Variants in PSORS1C1 observed in about 807,000 individuals in gnomAD.
PSORS1C1 encodes psoriasis susceptibility 1 candidate 1.
In PSORS1C1, 7 loss-of-function variants were observed where a neutral mutation model predicts 9.4. That is an observed-to-expected ratio of 0.75 (90% confidence interval 0.42 to 1.40). PSORS1C1 has a LOEUF of 1.40. Among genes scored for constraint, PSORS1C1 ranks in the 40% most tolerant of loss-of-function variants. The pLI is 0.01. For synonymous variants in PSORS1C1, 63 were observed against 69.4 expected, an observed-to-expected ratio of 0.91 and a Z score of 0.46; for missense variants, 146 against 178.1, an observed-to-expected ratio of 0.82 and a Z score of 1.02.
At chr6:31,116,477 A>G (rs1471405639) in intron 1 of PSORS1C1, 2 of 1,603,782 alleles carry the variant, frequency 1.2e-6, no homozygotes, top group African/African-American at 1.3e-5. Flanking sequence ...CCGCCTCCAC[A>G]GAGCTGGACC....
At position 31,139,206 on chromosome 6, in the gene PSORS1C1, G is replaced by A. The variant is rs767636303; in HGVS notation, c.167+427G>A. 33 of 600,862 alleles carry A rather than the reference G, an allele frequency of 5.5e-5. No individual in the cohort carries two copies. The highest frequency in any genetic ancestry group is 3.3e-4 in the South Asian group (16 of 48,288). 37.2% of individuals were successfully genotyped at this position (600,862 alleles called of 1,614,324 possible). ...CTGATGTGTCACCCCTGAAGGTGGCGTCCCTTATTTTAGTCCTCCAGCCCA... is the reference window on the plus strand; with the variant it reads ...CTGATGTGTCACCCCTGAAGGTGGCATCCCTTATTTTAGTCCTCCAGCCCA... On this transcript the variant is annotated intron_variant, in intron 5 of 5. Coordinates refer to ENST00000259881, the MANE Select transcript of PSORS1C1 (RefSeq NM_014068.3). This position sits in a 1 kb window ranked among gnomAD's most constrained non-coding sequence, Gnocchi z 5.2.
At chr6:31,126,696 G>C (rs1772695451) in intron 2 of PSORS1C1, among the ~76,000 whole-genome samples, 1 of 152,208 alleles carries the variant, frequency 6.6e-6, no homozygotes, top group Admixed American at 6.5e-5. Context: ...ACTGGGGCCA[G>C]AGCCAGGCTC....
At chr6:31,136,056 C>T (rs1324247620) in intron 3 of PSORS1C1, among the ~76,000 whole-genome samples, 3 of 148,860 alleles carry the variant, frequency 2.0e-5, no homozygotes, top group African/African-American at 7.4e-5. Context: ...CTGTCTCAAA[C>T]AAACACACAA....
chr6:31,138,764 C>T lies in PSORS1C1; in HGVS notation c.152C>T (p.Pro51Leu), dbSNP rs552431586. Reference protein sequence around the residue: ...VNPDRLCHMEPANHFWHAGDL... With the variant: ...VNPDRLCHMELANHFWHAGDL... ...CCTGACCGACTTTGCCACATGGAGC[C>T]AGCAAACCATTTCTGGTGAGAGCCA... Residue 51 changes from proline to leucine, a missense_variant, in exon 5 of 6, where the codon CCA (proline) becomes CTA (leucine). Coordinates refer to ENST00000259881, the MANE Select transcript of PSORS1C1 (RefSeq NM_014068.3). The T allele has an allele frequency of 6.2e-7, 1 of 1,614,164 alleles. No individual in the cohort carries two copies. The highest frequency in any genetic ancestry group is 8.5e-7 in the Non-Finnish European group (1 of 1,180,028).
At chr6:31,119,577 C>T (rs3130991) in intron 1 of PSORS1C1, among the ~76,000 whole-genome samples, 62,151 of 152,046 alleles carry the variant, frequency 0.41, 13,545 homozygotes, top group African/African-American at 0.57. Flanking sequence ...AGCAAATCTC[C>T]TTTCATACCG....
intron 1 of PSORS1C1, among the ~76,000 whole-genome samples, chr6:31,123,698 T>C (rs3095309): frequency 0.65 from 98,543 of 152,182 alleles, 32,930 homozygotes; most frequent in African/African-American, 0.82. Context: ...CTGTCCCCTC[T>C]GGTCCCCTCC....
intron 3 of PSORS1C1, chr6:31,137,545 T>C: frequency 4.8e-6 from 1 of 210,078 alleles, no homozygotes; most frequent in East Asian, 1.0e-4. Flanking sequence ...TAAGAAAACA[T>C]GATTTTTATT....
At chr6:31,120,239 G>T in intron 1 of PSORS1C1, 1 of 970,576 alleles carries the variant, frequency 1.0e-6, no homozygotes, top group Non-Finnish European at 1.6e-6. Flanking sequence ...GACTCAAAAG[G>T]CAGATTCCAG....
At position 31,116,171 on chromosome 6, in the gene PSORS1C1, C is replaced by T. The variant is rs1043716279; in HGVS notation, c.-229+1280C>T. 1.3e-5 allele frequency: 21 copies of T among 1,612,014 alleles called. No individual in the cohort carries two copies. The highest frequency in any genetic ancestry group is 1.6e-4 in the Middle Eastern group (1 of 6,080). On this transcript the variant is annotated intron_variant, in intron 1 of 5. Coordinates refer to ENST00000259881, the MANE Select transcript of PSORS1C1 (RefSeq NM_014068.3). The stretch of plus-strand genomic sequence containing the variant: ...CTGCTGGAGCCACAGGGCTTGGCAC[C>T]AGCGGAGGGATCAGGATGGGGAGAG...
intron 1 of PSORS1C1, 48 bp downstream of exon 1, chr6:31,114,939 A>T (rs9263636): frequency 0.21 from 77,206 of 361,724 alleles, 7,362 homozygotes; most frequent in South Asian, 0.33. Flanking sequence ...TGGGGAGGGG[A>T]GGGGAGGGGA....
intron 3 of PSORS1C1, chr6:31,138,040 G>C: frequency 6.5e-7 from 1 of 1,529,234 alleles, no homozygotes; most frequent in Non-Finnish European, 8.8e-7. Context: ...GGGTTTTCTG[G>C]GGGCTGGGGT....
At chr6:31,121,134 C>T (rs1259771451) in intron 1 of PSORS1C1, among the ~76,000 whole-genome samples, 3 of 148,558 alleles carry the variant, frequency 2.0e-5, no homozygotes, top group African/African-American at 5.0e-5. Flanking sequence ...CCTGACCTGT[C>T]GCTTCTGGGG....
rs1377451764 is a variant in PSORS1C1, at chr6:31,139,597, C to T, written c.168-44C>T. 6.3e-7 allele frequency: 1 copy of T among 1,590,730 alleles called. No individual in the cohort carries two copies. Among genetic ancestry groups the T allele is most frequent in the Admixed American group, 1.7e-5 (1 of 59,390 alleles). On this transcript the variant is annotated intron_variant, in intron 5 of 5. Transcript: ENST00000259881. This position sits in a 1 kb window ranked among gnomAD's most constrained non-coding sequence, Gnocchi z 5.2. ...TGCTTTCCTGGGCACTTCCCTTCCC[C>T]CATGGGATCCAGGCATCCTGCTCTC...
At chr6:31,123,928 G>A (rs1438870845) in intron 1 of PSORS1C1, among the ~76,000 whole-genome samples, 2 of 152,136 alleles carry the variant, frequency 1.3e-5, no homozygotes, top group Admixed American at 6.6e-5. Flanking sequence ...GACTTTCCCC[G>A]GGCCTTGAGG....
Position 31,138,705 on chromosome 6 carries a change from C to T in PSORS1C1, c.93C>T (p.Pro31=), listed in dbSNP as rs1241338561. 2 of 1,609,148 alleles carry T rather than the reference C, an allele frequency of 1.2e-6. No individual in the cohort carries two copies. The change falls in exon 5 of 6, where the codon CCC becomes CCT. Residue 31 remains proline (P), a synonymous_variant. Coordinates refer to ENST00000259881, the MANE Select transcript of PSORS1C1 (RefSeq NM_014068.3). The stretch of plus-strand genomic sequence containing the variant: ...GACCCCAGCTCCTTAACACAGATCC[C>T]AGCTCCGAGGAAACTCGTCCCCCCC... ...LQGPQLLNTD[P]SSEETRPPHV...
In PSORS1C1 at chr6:31,137,733, CAG is replaced by C. The variant is rs1773216929; in HGVS notation, c.14-694_14-693del. The C allele has an allele frequency of 2.0e-5, 8 of 400,978 alleles. No individual in the cohort carries two copies. The South Asian group carries it at 8.4e-4, about 42-fold the overall frequency. The allele number at this position is 400,978 out of a possible 1,614,324, so 24.8% of individuals were successfully genotyped here. ...AGGTAGGAGAGTAGGCTTAGGCTGT[CAG>C]AGGAAAAAACGGGCGATGTGAGGAC... On this transcript the variant is annotated intron_variant, in intron 3 of 5. Transcript: ENST00000259881.
intron 3 of PSORS1C1, among the ~76,000 whole-genome samples, chr6:31,136,764 C>G (rs1446182536): frequency 6.6e-6 from 1 of 152,212 alleles, no homozygotes; most frequent in Non-Finnish European, 1.5e-5. Flanking sequence ...AGCCCCAGAG[C>G]CTTACATGCT....
At position 31,139,803 on chromosome 6, in the gene PSORS1C1, G is replaced by T; in HGVS notation, c.330G>T (p.Arg110Ser). Reference protein sequence around the residue: ...VLPMAPEEAARLQQPQPLPPP... With the variant: ...VLPMAPEEAASLQQPQPLPPP... ...CAATGGCTCCGGAAGAAGCTGCCAGGCTCCAGCAACCTCAGCCCCTTCCTC... is the reference window on the plus strand; with the variant it reads ...CAATGGCTCCGGAAGAAGCTGCCAGTCTCCAGCAACCTCAGCCCCTTCCTC... The change falls in exon 6 of 6, where the codon AGG (arginine) becomes AGT (serine). Residue 110 changes from arginine to serine, a missense_variant. Transcript: ENST00000259881. The surrounding 1 kb of genome is among the most constrained non-coding windows in gnomAD (Gnocchi z 5.2). 1.2e-6 allele frequency: 2 copies of T among 1,613,044 alleles called. No individual in the cohort carries two copies. Among genetic ancestry groups the T allele is most frequent in the South Asian group, 1.1e-5 (1 of 91,070 alleles).
chr6:31,137,614 T>G, intron 3 of PSORS1C1: 1 of 322,040 alleles, frequency 3.1e-6, no homozygotes, highest in East Asian at 4.8e-5. Context: ...GGCCACCAGG[T>G]GGCAGAAGGG....
Sources: gnomAD v4.1 joint callset for allele counts (sites outside exome capture counted in the v4.1 genomes callset) on GRCh38, gnomAD v4.1.1 for gene constraint, Gnocchi (gnomAD v3.1) non-coding constraint, MANE v1.5 for transcripts, NCBI Gene and HGNC (gene_info 2026-07-23, HGNC 2026-07-21) for gene names.